Variants in SCN1A observed in about 807,000 individuals in gnomAD.
The protein encoded by SCN1A is sodium voltage-gated channel alpha subunit 1.
SCN1A carries 13 observed loss-of-function variants against 193.7 expected under a neutral mutation model. The ratio of observed to expected loss-of-function variants is 0.07; its 90% CI spans 0.04 to 0.11. The LOEUF (loss-of-function observed/expected upper bound fraction) is 0.11. Among genes scored for constraint, SCN1A ranks in the 10% least tolerant of loss-of-function variants. The probability of loss-of-function intolerance (pLI) is 1.00; values close to 1 mark genes in which losing one functional copy is unlikely to be tolerated. For missense variants in SCN1A, 1,432 were observed against 2,451.1 expected (o/e 0.58, Z 8.78); for synonymous variants, 781 against 843.6 (o/e 0.93, Z 1.29).
intron 3 of SCN1A, 138 bp downstream of exon 3, chr2:166,077,572 G>A (rs1232624294): frequency 1.3e-5 from 2 of 151,928 alleles, no homozygotes; most frequent in Non-Finnish European, 2.9e-5. Context: ...AACATTAAAT[G>A]CTGATGAGGA....
chr2:166,099,933 C>G (rs1268350158), intron 2 of SCN1A, among the ~76,000 whole-genome samples: 2 of 117,384 alleles, frequency 1.7e-5, no homozygotes, highest in African/African-American at 3.1e-5. Context: ...AATGGCCATA[C>G]TGCCCAAGGT....
At chr2:166,070,348 G>C (rs1372120282) in intron 4 of SCN1A, among the ~76,000 whole-genome samples, 1 of 152,184 alleles carries the variant, frequency 6.6e-6, no homozygotes, top group Non-Finnish European at 1.5e-5. Flanking sequence ...TAAAAGCCAT[G>C]AGTATACCTT....
intron 23 of SCN1A, among the ~76,000 whole-genome samples, chr2:166,008,742 A>C (rs1227726105): frequency 1.3e-5 from 2 of 151,132 alleles, no homozygotes; most frequent in African/African-American, 4.8e-5. Flanking sequence ...ATGGAAGTCT[A>C]CAATACAGCT....
At chr2:166,008,143 T>C (rs148650498) in intron 23 of SCN1A, among the ~76,000 whole-genome samples, 1 of 151,244 alleles carries the variant, frequency 6.6e-6, no homozygotes, top group East Asian at 1.9e-4. Flanking sequence ...AAAACTAACC[T>C]CTTTTAATAT....
At chr2:166,106,931 A>G (rs956564409) in intron 2 of SCN1A, among the ~76,000 whole-genome samples, 8 of 152,160 alleles carry the variant, frequency 5.3e-5, no homozygotes, top group African/African-American at 1.9e-4. Flanking sequence ...CTGGTTAGCT[A>G]CCAAAGAGAG....
intron 2 of SCN1A, among the ~76,000 whole-genome samples, chr2:166,107,366 C>G (rs1688806700): frequency 6.6e-6 from 1 of 152,062 alleles, no homozygotes; most frequent in Non-Finnish European, 1.5e-5. Context: ...CCATAACAGT[C>G]ACACAATAGT....
chr2:166,012,560 AC>A (rs1411137476), intron 21 of SCN1A, among the ~76,000 whole-genome samples: 5 of 148,916 alleles, frequency 3.4e-5, no homozygotes, highest in African/African-American at 4.9e-5. Context: ...GGCCATCCCA[AC>A]TTGAAGTTAT....
At position 165,988,905 on chromosome 2, in the gene SCN1A, C is replaced by T. The variant is rs1688774447; in HGVS notation, c.*2340G>A. 1 of 152,380 alleles carries T rather than the reference C, an allele frequency of 6.6e-6. No homozygotes were observed. Among genetic ancestry groups the T allele is most frequent in the Non-Finnish European group, 1.5e-5 (1 of 68,088 alleles). 9.4% of individuals were successfully genotyped at this position (152,380 alleles called of 1,614,324 possible). On this transcript the variant is annotated 3_prime_UTR_variant, in exon 29 of 29. Coordinates refer to ENST00000674923, the MANE Select transcript of SCN1A (RefSeq NM_001165963.4). ...CTTCCTCCTAGAATCACTAGCTATCCTCTGACACCAGTTCTTCCTCCTAAC... is the reference window on the plus strand; with the variant it reads ...CTTCCTCCTAGAATCACTAGCTATCTTCTGACACCAGTTCTTCCTCCTAAC...
In SCN1A at chr2:166,073,611, G is replaced by A. The variant is rs374317182; in HGVS notation, c.11C>T (p.Thr4Ile). The A allele has an allele frequency of 1.2e-6, 2 of 1,614,062 alleles. No homozygotes were observed. The highest frequency in any genetic ancestry group is 1.7e-6 in the Non-Finnish European group (2 of 1,180,026). The change falls in exon 4 of 29, where the codon ACA (threonine) becomes ATA (isoleucine). Residue 4 changes from threonine to isoleucine, a missense_variant. Thr to Ile is a moderately conservative substitution (Grantham distance 89, BLOSUM62 -1). Transcript: ENST00000674923. MEQTVLVPPGPDSF... is the reference protein window; with the variant it reads MEQIVLVPPGPDSF... ...GTCAGGTCCTGGTGGTACAAGCACT[G>A]TTTGCTCCATCTTGTCATCCTGCAC...
In SCN1A at chr2:165,991,632, C is replaced by T. The variant is rs121918804; in HGVS notation, c.5643G>A (p.Glu1881=). ...FTKRVLGESG[E]MDALRIQMEE... is the part of the protein sequence containing the mutation. ...CCATCTGTATTCGTAGAGCATCCAT[C>T]TCTCCACTCTCTCCTAGAACCCGCT... is the stretch of plus-strand genomic sequence containing the variant. The change falls in exon 29 of 29, where the codon GAG becomes GAA. Residue 1881 remains glutamate (E), a synonymous_variant. Transcript: ENST00000674923. 10 of 1,613,920 alleles carry T rather than the reference C, an allele frequency of 6.2e-6. No homozygotes were observed. The South Asian group carries it at 1.1e-4, about 18-fold the overall frequency.
chr2:166,063,133 A>C (rs11674130), intron 4 of SCN1A, among the ~76,000 whole-genome samples: 29,832 of 152,008 alleles, frequency 0.2, 3,366 homozygotes, highest in East Asian at 0.35. Flanking sequence ...TTTTAGTGCC[A>C]AAACAAATGC....
In SCN1A at chr2:166,051,804, T is replaced by G. The variant is rs1457806589; in HGVS notation, c.879A>C (p.Glu293Asp). The G allele has an allele frequency of 2.5e-6, 4 of 1,611,932 alleles. No homozygotes were observed. Among genetic ancestry groups the G allele is most frequent in the Non-Finnish European group, 3.4e-6 (4 of 1,178,594 alleles). ...TNASLEEHSI[E>D]KNITVNYNGT... is the part of the protein sequence containing the mutation. ...CATTATAATTCACAGTTATATTCTT[T>G]TCTATACTATGTTCCTCCAAGGAAG... The change falls in exon 9 of 29, where the codon GAA (glutamate) becomes GAC (aspartate). Residue 293 changes from glutamate to aspartate, a missense_variant. By Grantham distance (45) the Glu-to-Asp change is conservative. This residue lies in a region of SCN1A where 52 missense variants were observed against 59.6 expected (regional missense o/e 0.87). Transcript: ENST00000674923.
chr2:166,052,352 T>C (rs1362146423), intron 8 of SCN1A, among the ~76,000 whole-genome samples: 3 of 151,990 alleles, frequency 2.0e-5, no homozygotes, highest in Non-Finnish European at 2.9e-5. Context: ...CCTGAATAAA[T>C]ATTTTAAAAT....
At position 166,039,496 on chromosome 2, in the gene SCN1A, A is replaced by G. The variant is rs2105817051; in HGVS notation, c.2516T>C (p.Ile839Thr). ...QEGWNIFDGF[I>T]VTLSLVELGL... Reference sequence around the variant, plus strand: ...AAGTTCTACCAGGCTAAGCGTCACAATAAAACCGTCAAAGATATTCCAGCC... The same window carrying G: ...AAGTTCTACCAGGCTAAGCGTCACAGTAAAACCGTCAAAGATATTCCAGCC... The change falls in exon 17 of 29, where the codon ATT (isoleucine) becomes ACT (threonine). Residue 839 changes from isoleucine to threonine, a missense_variant. Physicochemically the swap from Ile to Thr is moderately conservative, Grantham distance 89. Transcript: ENST00000674923. The G allele has an allele frequency of 6.2e-7, 1 of 1,614,000 alleles. No individual in the cohort carries two copies. The highest frequency in any genetic ancestry group is 1.7e-5 in the Admixed American group (1 of 60,016).
At chr2:166,019,846 G>C (rs1313686685) in intron 19 of SCN1A, among the ~76,000 whole-genome samples, 1 of 151,514 alleles carries the variant, frequency 6.6e-6, no homozygotes, top group Non-Finnish European at 1.5e-5. Flanking sequence ...TCAACTTAGA[G>C]TTCCAACCAA....
At chr2:166,031,511 T>G (rs1456530891) in intron 19 of SCN1A, among the ~76,000 whole-genome samples, 1 of 152,114 alleles carries the variant, frequency 6.6e-6, no homozygotes, top group Non-Finnish European at 1.5e-5. Flanking sequence ...GAGCTTACCA[T>G]ATCAAGAATG....
At chr2:166,030,843 A>G (rs1016862676) in intron 19 of SCN1A, among the ~76,000 whole-genome samples, 5 of 152,150 alleles carry the variant, frequency 3.3e-5, no homozygotes, top group Non-Finnish European at 5.9e-5. Context: ...TAGAAATGTT[A>G]TAAAATACTA....
chr2:166,058,728 A>C, intron 4 of SCN1A, 40 bp from the exon 5 acceptor site: 1 of 1,065,298 alleles, frequency 9.4e-7, no homozygotes, highest in Non-Finnish European at 1.5e-6. Context: ...TGAAAGTATA[A>C]ACCACTTAAA....
intron 23 of SCN1A, among the ~76,000 whole-genome samples, chr2:166,004,549 T>A (rs1484153240): frequency 1.3e-5 from 2 of 151,554 alleles, no homozygotes; most frequent in Non-Finnish European, 3.0e-5. Context: ...CTCCTTCATT[T>A]AATCTATGTA....
Sources: allele counts gnomAD v4.1 joint callset (sites outside exome capture counted in the v4.1 genomes callset), GRCh38; gene constraint gnomAD v4.1.1; regional missense constraint gnomAD v4.1.1; transcripts MANE v1.5; gene names NCBI Gene and HGNC (gene_info 2026-07-23, HGNC 2026-07-21).